The following COL20A1 variants were observed in gnomAD, a reference collection of about 807,000 sequenced individuals.
COL20A1 encodes the protein collagen alpha-1(XX) chain.
In COL20A1, 164 loss-of-function variants were observed where a neutral mutation model predicts 152.9. The observed-to-expected ratio is 1.07, with a 90% confidence interval of 0.94 to 1.22. COL20A1 has a LOEUF of 1.22. Among genes scored for constraint, COL20A1 ranks in the 50% most tolerant of loss-of-function variants. The probability of loss-of-function intolerance (pLI) is 0.00; values close to 1 mark genes in which losing one functional copy is unlikely to be tolerated. For synonymous variants in COL20A1, 864 were observed against 756.0 expected, an observed-to-expected ratio of 1.14 and a Z score of -2.34; for missense variants, 1,873 against 1,744.8, an observed-to-expected ratio of 1.07 and a Z score of -1.31.
chr20:63,316,008 G>A (rs1038560551), intron 20 of COL20A1, among the ~76,000 whole-genome samples: 2 of 152,228 alleles, frequency 1.3e-5, no homozygotes, highest in Admixed American at 6.5e-5. Flanking sequence ...TGGCACCTGC[G>A]GCTCTGCGCG....
At chr20:63,298,734 A>T (rs894679628) in intron 3 of COL20A1, among the ~76,000 whole-genome samples, 2 of 152,178 alleles carry the variant, frequency 1.3e-5, no homozygotes, top group African/African-American at 4.8e-5. Context: ...GGCCTTGAGG[A>T]CACCTTTTCA....
intron 27 of COL20A1, 96 bp from the exon 28 acceptor site, chr20:63,325,345 G>A (rs556360657): frequency 3.0e-5 from 28 of 944,678 alleles, no homozygotes; most frequent in Middle Eastern, 2.2e-4. Flanking sequence ...ACCCAGGGCC[G>A]TGCAGTCCAG....
In COL20A1 at chr20:63,328,478, G is replaced by A. The variant is rs1568791417; in HGVS notation, c.3761G>A (p.Gly1254Asp). The A allele has an allele frequency of 6.2e-7, 1 of 1,611,766 alleles. No individual in the cohort carries two copies. The highest frequency in any genetic ancestry group is 8.5e-7 in the Non-Finnish European group (1 of 1,179,272). ...ALVPGEWGRG[G>D]RHLEGRGEPG... ...GTTCCTGGAGAATGGGGGCGTGGTGGCCGCCACCTTGAGGGCAGAGGTACT... is the reference window on the plus strand; with the variant it reads ...GTTCCTGGAGAATGGGGGCGTGGTGACCGCCACCTTGAGGGCAGAGGTACT... Residue 1254 changes from glycine to aspartate, a missense_variant, in exon 34 of 36, where the codon GGC (glycine) becomes GAC (aspartate). Gly to Asp is a moderately conservative substitution (Grantham distance 94, BLOSUM62 -1). Transcript: ENST00000358894.
intron 34 of COL20A1, 47 bp downstream of exon 34, chr20:63,328,545 C>T (rs1209924028): frequency 4.5e-6 from 7 of 1,548,674 alleles, no homozygotes; most frequent in South Asian, 2.3e-5. Flanking sequence ...CCGGTGGGGG[C>T]GCCGGTTGTC....
At position 63,312,009 on chromosome 20, in the gene COL20A1, T is replaced by C. The variant is rs1474707305; in HGVS notation, c.1757T>C (p.Leu586Pro). Residue 586 changes from leucine (L) to proline (P), a missense_variant, in exon 14 of 36, where the codon CTG becomes CCG. Transcript: ENST00000358894. ...FWEGAPRPVR[L>P]VRVTYVSSEG... ...GAGGGTGCCCCGAGGCCTGTGCGCCTGGTCAGGGTCACCTATGTGTCCAGC... is the reference window on the plus strand; with the variant it reads ...GAGGGTGCCCCGAGGCCTGTGCGCCCGGTCAGGGTCACCTATGTGTCCAGC... 2 of 1,606,322 alleles carry C rather than the reference T, an allele frequency of 1.2e-6. No homozygotes were observed. The highest frequency in any genetic ancestry group is 1.7e-6 in the Non-Finnish European group (2 of 1,177,234).
chr20:63,297,243 G>C (rs2067806252), intron 2 of COL20A1, among the ~76,000 whole-genome samples: 1 of 152,020 alleles, frequency 6.6e-6, no homozygotes, highest in Admixed American at 6.5e-5. Flanking sequence ...CAGCCCAGGG[G>C]ACTCAGCCCA....
chr20:63,307,948 G>A (rs763265245), intron 6 of COL20A1, 23 bp from the exon 7 acceptor site: 60 of 1,610,272 alleles, frequency 3.7e-5, no homozygotes, highest in Middle Eastern at 1.6e-4. Flanking sequence ...AACTCAGCCC[G>A]TGGCCATGCC....
At chr20:63,309,177 C>T (rs1156880941) in intron 8 of COL20A1, among the ~76,000 whole-genome samples, 156 bp from the exon 9 acceptor site, 6 of 152,318 alleles carry the variant, frequency 3.9e-5, no homozygotes, top group Middle Eastern at 6.8e-3. Flanking sequence ...CCCAACCCCT[C>T]GGGAGCGCCT....
intron 27 of COL20A1, among the ~76,000 whole-genome samples, chr20:63,323,667 G>A (rs188524008): frequency 6.6e-6 from 1 of 152,302 alleles, no homozygotes; most frequent in East Asian, 1.9e-4. Flanking sequence ...TAAGGCCCCT[G>A]TGTATTTTGG....
chr20:63,308,779 G>C, intron 8 of COL20A1, 73 bp downstream of exon 8: 1 of 1,331,802 alleles, frequency 7.5e-7, no homozygotes, highest in Non-Finnish European at 1.0e-6. Flanking sequence ...CAGGGAGCTT[G>C]CATTGGGCAC....
intron 19 of COL20A1, 141 bp from the exon 20 acceptor site, chr20:63,315,263 G>T: frequency 1.2e-6 from 1 of 823,480 alleles, no homozygotes; most frequent in Admixed American, 2.1e-5. Context: ...GTGGGTGGCA[G>T]ATGGGACATA....
At chr20:63,329,303 C>T (rs912911729) in intron 34 of COL20A1, 2 of 512,778 alleles carry the variant, frequency 3.9e-6, no homozygotes, top group Non-Finnish European at 6.9e-6. Flanking sequence ...GCCCCCTCTG[C>T]ACCCACCTGT....
chr20:63,321,188 G>A (rs1390662683), intron 26 of COL20A1, 89 bp downstream of exon 26: 9 of 810,708 alleles, frequency 1.1e-5, no homozygotes, highest in Non-Finnish European at 1.0e-5. Context: ...AGGCCCTCCC[G>A]CCCCGGTCCA....
At chr20:63,321,942 G>A in intron 26 of COL20A1, 116 bp from the exon 27 acceptor site, 1 of 754,220 alleles carries the variant, frequency 1.3e-6, no homozygotes, top group Non-Finnish European at 2.1e-6. Context: ...GACAGTCTGG[G>A]GCTGGGTGGG....
intron 30 of COL20A1, among the ~76,000 whole-genome samples, chr20:63,326,438 A>G (rs1183454202): frequency 6.6e-6 from 1 of 152,162 alleles, no homozygotes; most frequent in African/African-American, 2.4e-5. Context: ...TGGGCAGGCC[A>G]GGTTGCCTCC....
At chr20:63,325,110 G>A (rs1009186456) in intron 27 of COL20A1, 88 of 451,518 alleles carry the variant, frequency 1.9e-4, no homozygotes, top group Non-Finnish European at 3.4e-4. Context: ...GAGCAGTGAG[G>A]GTGCTGGGGC....
chr20:63,307,148 G>A (rs185478280), intron 5 of COL20A1, among the ~76,000 whole-genome samples: 69 of 152,350 alleles, frequency 4.5e-4, no homozygotes, highest in African/African-American at 1.6e-3. Flanking sequence ...GGTGCTCACG[G>A]CGGCTCTGCT....
Position 63,306,131 on chromosome 20 carries a change from C to T in COL20A1, c.496+92C>T, listed in dbSNP as rs895259199. 8 of 1,168,734 alleles carry T rather than the reference C, an allele frequency of 6.8e-6. No individual in the cohort carries two copies. The South Asian group carries it at 7.7e-5, about 11-fold the overall frequency. The allele number at this position is 1,168,734 out of a possible 1,614,324, so 72.4% of individuals were successfully genotyped here. On this transcript the variant is annotated intron_variant, in intron 5 of 35. Transcript: ENST00000358894. This position sits in a 1 kb window ranked among gnomAD's most constrained non-coding sequence, Gnocchi z 6.9. ...ACCATGAGGCCAGGAAGTTCTTCCT[C>T]GTGTCTGACCACACGGTCTCTGACC...
In COL20A1 at chr20:63,322,135, G is replaced by C. The variant is rs541231133; in HGVS notation, c.3294+24G>C. On this transcript the variant is annotated intron_variant, in intron 27 of 35. Coordinates refer to ENST00000358894, the MANE Select transcript of COL20A1 (RefSeq NM_020882.4). The stretch of plus-strand genomic sequence containing the variant: ...GGGTAAGTTTTGGGGAGCCCTGGGA[G>C]GTGAGGGGCCTGGATCGTACCTACC... 1.0e-5 allele frequency: 15 copies of C among 1,491,358 alleles called. No homozygotes were observed. The African/African-American group carries it at 2.2e-4, about 22-fold the overall frequency. 92.4% of individuals were successfully genotyped at this position (1,491,358 alleles called of 1,614,324 possible).
Sources: allele counts gnomAD v4.1 joint callset (sites outside exome capture counted in the v4.1 genomes callset), GRCh38; gene constraint gnomAD v4.1.1; non-coding constraint Gnocchi (gnomAD v3.1); transcripts MANE v1.5; gene names NCBI Gene and HGNC (gene_info 2026-07-23, HGNC 2026-07-21).